Variants in TMTC1 observed in about 807,000 individuals in gnomAD.
TMTC1 encodes transmembrane O-mannosyltransferase targeting cadherins 1.
A neutral mutation model predicts 104.8 loss-of-function variants in TMTC1; 73 were observed. The observed-to-expected ratio is 0.70, with a 90% CI of 0.58 to 0.85. The LOEUF (loss-of-function observed/expected upper bound fraction) is 0.85. Ranked by LOEUF, TMTC1 falls within the 40% of genes least tolerant of loss-of-function variation. TMTC1 has a pLI of 0.00. For synonymous variants in TMTC1, 434 were observed against 428.7 expected (o/e 1.01, Z -0.15); for missense variants, 1,035 against 1,096.1 (o/e 0.94, Z 0.79).
At chr12:29,624,316 G>A (rs1324398994) in intron 6 of TMTC1, among the ~76,000 whole-genome samples, 5 of 143,056 alleles carry the variant, frequency 3.5e-5, no homozygotes, top group Non-Finnish European at 6.2e-5. Flanking sequence ...TATTTCCTCC[G>A]CTGGCTTGGG....
At chr12:29,603,825 T>C (rs1461671851) in intron 7 of TMTC1, among the ~76,000 whole-genome samples, 1 of 152,220 alleles carries the variant, frequency 6.6e-6, no homozygotes, top group African/African-American at 2.4e-5. Context: ...AATACTTTTA[T>C]GCAAGTCAAA....
chr12:29,557,727 G>A (rs778410220), intron 9 of TMTC1, among the ~76,000 whole-genome samples: 2 of 152,158 alleles, frequency 1.3e-5, no homozygotes, highest in Non-Finnish European at 2.9e-5. Flanking sequence ...TGGGATTACA[G>A]GCATGAACCA....
chr12:29,660,380 C>T (rs1182651689), intron 5 of TMTC1, among the ~76,000 whole-genome samples: 1 of 152,144 alleles, frequency 6.6e-6, no homozygotes, highest in Non-Finnish European at 1.5e-5. Context: ...TCATGATGAT[C>T]AGAAGAACCG....
intron 5 of TMTC1, among the ~76,000 whole-genome samples, chr12:29,675,115 G>A (rs1335361373): frequency 6.6e-6 from 1 of 152,068 alleles, no homozygotes; most frequent in Non-Finnish European, 1.5e-5. Context: ...AGTTTCCCTT[G>A]CAGATTCAGC....
chr12:29,508,190 G>A (rs548806339), intron 17 of TMTC1, among the ~76,000 whole-genome samples: 11 of 152,312 alleles, frequency 7.2e-5, no homozygotes, highest in Middle Eastern at 3.4e-3. Flanking sequence ...GAAATTGTAC[G>A]TTAGATATCC....
chr12:29,605,875 T>A lies in TMTC1; in HGVS notation c.1129-1576A>T, dbSNP rs1396197893. On this transcript the variant is annotated intron_variant, in intron 6 of 17. Coordinates refer to ENST00000539277, the MANE Select transcript of TMTC1 (RefSeq NM_001193451.2). ...CTTGCCTCCCTTTCCCCTCCCTCCT[T>A]TCAGAGTCTCCAATGTCTATTGTTC... Among the ~76,000 whole-genome samples, 3 of 152,258 alleles carry A rather than the reference T, an allele frequency of 2.0e-5. No individual in the cohort carries two copies. In the East Asian group the frequency reaches 5.8e-4, roughly 29 times the overall value.
upstream of TMTC1, chr12:29,784,677 C>A (rs975130338): frequency 3.9e-5 from 6 of 152,302 alleles, no homozygotes; most frequent in South Asian, 1.2e-3. Flanking sequence ...GCCTGGGAGC[C>A]GAATTGTCTT....
At chr12:29,725,335 T>C (rs1197250467) in intron 5 of TMTC1, among the ~76,000 whole-genome samples, 1 of 151,480 alleles carries the variant, frequency 6.6e-6, no homozygotes, top group Non-Finnish European at 1.5e-5. Context: ...CCTGCCAAGA[T>C]CTTTTTTTTT....
Position 29,583,346 on chromosome 12 carries a change from A to C in TMTC1, c.1418+61T>G, listed in dbSNP as rs1946035122. The C allele has an allele frequency of 2.0e-6, 3 of 1,534,720 alleles. No individual in the cohort carries two copies. In the East Asian group the frequency reaches 6.9e-5, roughly 35 times the overall value. On this transcript the variant is annotated intron_variant, in intron 8 of 17. Coordinates refer to ENST00000539277, the MANE Select transcript of TMTC1 (RefSeq NM_001193451.2). ...GGCCCATGTTACCTCATTTGTTTGG[A>C]AACAATTTGTAAGCAAAGAAATAAA...
chr12:29,539,146 A>T (rs1314659190), intron 10 of TMTC1, among the ~76,000 whole-genome samples: 1 of 152,246 alleles, frequency 6.6e-6, no homozygotes, highest in African/African-American at 2.4e-5. Flanking sequence ...CTTTGACACA[A>T]TAACTTAGAG....
chr12:29,660,017 A>G (rs1423861464), intron 5 of TMTC1: 2 of 1,472,718 alleles, frequency 1.4e-6, no homozygotes, highest in Admixed American at 2.0e-5. Context: ...TGAGATTGCC[A>G]CCAATAATCT....
chr12:29,764,975 T>C (rs566732490), intron 2 of TMTC1, among the ~76,000 whole-genome samples: 3 of 152,342 alleles, frequency 2.0e-5, no homozygotes, highest in Admixed American at 1.3e-4. Context: ...CCCTACTCAT[T>C]TGTTCTTTCA....
rs942957535 is a variant in TMTC1, at chr12:29,505,215, A to G, written c.*1631T>C. On this transcript the variant is annotated 3_prime_UTR_variant, in exon 18 of 18. Transcript: ENST00000539277. Reference sequence around the variant, plus strand: ...TAACACTGGGGTAGTGCTTCCTGATACTGGGTTGAAAGAAGCAGAAGGCTA... The same window carrying G: ...TAACACTGGGGTAGTGCTTCCTGATGCTGGGTTGAAAGAAGCAGAAGGCTA... 1 of 152,204 alleles carries G rather than the reference A, an allele frequency of 6.6e-6. No homozygotes were observed. Among genetic ancestry groups the G allele is most frequent in the African/African-American group, 2.4e-5 (1 of 41,444 alleles). The allele number at this position is 152,204 out of a possible 1,614,324, so 9.4% of individuals were successfully genotyped here.
At chr12:29,616,429 T>C (rs1257551853) in intron 6 of TMTC1, among the ~76,000 whole-genome samples, 1 of 152,090 alleles carries the variant, frequency 6.6e-6, no homozygotes, top group Non-Finnish European at 1.5e-5. Context: ...CCCAGCACTT[T>C]GGGAGGCCGA....
intron 5 of TMTC1, among the ~76,000 whole-genome samples, chr12:29,659,336 G>A (rs1939906583): frequency 6.6e-6 from 1 of 152,148 alleles, no homozygotes; most frequent in African/African-American, 2.4e-5. Context: ...GGGTGAGGAG[G>A]GCAGAACCCT....
At chr12:29,571,231 C>T (rs1945667644) in intron 9 of TMTC1, among the ~76,000 whole-genome samples, 1 of 152,050 alleles carries the variant, frequency 6.6e-6, no homozygotes, top group Admixed American at 6.6e-5. Flanking sequence ...ATTAACCTTG[C>T]TTTATTTTGC....
intron 5 of TMTC1, among the ~76,000 whole-genome samples, chr12:29,689,209 C>G (rs948131203): frequency 6.6e-6 from 1 of 151,998 alleles, no homozygotes; most frequent in Non-Finnish European, 1.5e-5. Flanking sequence ...GTGTGTACCA[C>G]CCGAATTCAT....
intron 5 of TMTC1, among the ~76,000 whole-genome samples, chr12:29,717,544 G>T (rs1296967180): frequency 6.6e-6 from 1 of 152,154 alleles, no homozygotes. Context: ...TTTTATTAAT[G>T]CACAGTTTCA....
intron 1 of TMTC1, among the ~76,000 whole-genome samples, chr12:29,772,360 T>C (rs927935481): frequency 6.6e-6 from 1 of 151,878 alleles, no homozygotes; most frequent in Admixed American, 6.6e-5. Context: ...ATGCACACAA[T>C]TTTTTTTTGT....
Sources: allele counts gnomAD v4.1 joint callset (sites outside exome capture counted in the v4.1 genomes callset), GRCh38; gene constraint gnomAD v4.1.1; transcripts MANE v1.5; gene names NCBI Gene and HGNC (gene_info 2026-07-23, HGNC 2026-07-21).